Variants in GGA3 observed in about 807,000 individuals in gnomAD.
GGA3 encodes ADP-ribosylation factor-binding protein GGA3.
A neutral mutation model predicts 77.5 loss-of-function variants in GGA3; 57 were observed. That is an observed-to-expected ratio of 0.74 (90% CI 0.59 to 0.92). GGA3 has a LOEUF of 0.92. Ranked by LOEUF, GGA3 falls within the 40% of genes least tolerant of loss-of-function variation. GGA3 has a pLI of 0.00. For missense variants in GGA3, 970 were observed against 914.9 expected (o/e 1.06, Z -0.78); for synonymous variants, 416 against 383.7 (o/e 1.08, Z -0.98).
At chr17:75,261,670 G>A (rs1370521332), upstream of GGA3, 2 of 1,339,990 alleles carry the variant, frequency 1.5e-6, no homozygotes, top group Non-Finnish European at 2.0e-6. Flanking sequence ...ATGGGGTCCT[G>A]AGAGGAGTGA....
intron 14 of GGA3, 144 bp from the exon 15 acceptor site, chr17:75,239,227 G>C: frequency 1.0e-6 from 1 of 965,412 alleles, no homozygotes; most frequent in Non-Finnish European, 1.5e-6. Context: ...TCAGTGAGGA[G>C]CTTAAGACTG....
Position 75,237,594 on chromosome 17 carries a change from T to C in GGA3, c.*685A>G, listed in dbSNP as rs1568105158. 2.0e-6 allele frequency: 3 copies of C among 1,533,976 alleles called. No homozygotes were observed. Among genetic ancestry groups the C allele is most frequent in the African/African-American group, 1.4e-5 (1 of 73,150 alleles). The stretch of plus-strand genomic sequence containing the variant: ...TTCCTATCCCTAGTTGGGCCTGTCA[T>C]GAGGCCAAATTCCATGTCCTGCCAA... On this transcript the variant is annotated 3_prime_UTR_variant, in exon 17 of 17. Coordinates refer to ENST00000537686, the MANE Select transcript of GGA3 (RefSeq NM_138619.4).
intron 1 of GGA3, among the ~76,000 whole-genome samples, chr17:75,258,191 C>T (rs1598455100): frequency 6.6e-6 from 1 of 152,206 alleles, no homozygotes; most frequent in African/African-American, 2.4e-5. Flanking sequence ...ACTCTCTTTT[C>T]GGACTCAGCC....
At chr17:75,261,650 CG>C, upstream of GGA3, 1 of 1,440,154 alleles carries the variant, frequency 6.9e-7, no homozygotes. Flanking sequence ...TGAGACGGGG[CG>C]GGGCCTGCAT....
At chr17:75,247,508 C>T (rs1431810374) in intron 1 of GGA3, among the ~76,000 whole-genome samples, 2 of 152,128 alleles carry the variant, frequency 1.3e-5, no homozygotes, top group East Asian at 3.9e-4. Flanking sequence ...GTGATCGGCC[C>T]GCCTTGGCCT....
At chr17:75,246,360 G>C in intron 3 of GGA3, 149 bp downstream of exon 3, 1 of 628,918 alleles carries the variant, frequency 1.6e-6, no homozygotes, top group South Asian at 1.9e-5. Context: ...TGGAACAGCT[G>C]GCTGAACAGA....
upstream of GGA3, chr17:75,261,990 G>A (rs1228803004): frequency 3.3e-6 from 5 of 1,537,976 alleles, no homozygotes; most frequent in Admixed American, 1.9e-5. Context: ...CAGGGTGAGA[G>A]GGTGGCGAGC....
chr17:75,256,626 G>A (rs1463413511), intron 1 of GGA3, among the ~76,000 whole-genome samples: 1 of 152,050 alleles, frequency 6.6e-6, no homozygotes, highest in Non-Finnish European at 1.5e-5. Context: ...CCACTAGCCC[G>A]CCTCTTAGAA....
chr17:75,255,888 A>C (rs1018801411), intron 1 of GGA3, among the ~76,000 whole-genome samples: 3 of 152,110 alleles, frequency 2.0e-5, no homozygotes, highest in Admixed American at 2.0e-4. Context: ...ACTTGGACTG[A>C]CCCTGACATC....
intron 1 of GGA3, among the ~76,000 whole-genome samples, chr17:75,252,830 C>G (rs2077015728): frequency 6.6e-6 from 1 of 152,136 alleles, no homozygotes; most frequent in Non-Finnish European, 1.5e-5. Flanking sequence ...CTTCGTAATT[C>G]TCCCCACCCT....
intron 1 of GGA3, among the ~76,000 whole-genome samples, chr17:75,253,646 G>A (rs1381688240): frequency 6.6e-6 from 1 of 152,208 alleles, no homozygotes; most frequent in Non-Finnish European, 1.5e-5. Flanking sequence ...TAGGGGGCAA[G>A]AACCCCCAAT....
At chr17:75,246,472 G>C (rs1324148598) in intron 3 of GGA3, 37 bp downstream of exon 3, 7 of 1,363,596 alleles carry the variant, frequency 5.1e-6, no homozygotes, top group Non-Finnish European at 7.4e-6. Context: ...GCAGGTGAAG[G>C]GCTGCGGTTT....
chr17:75,243,408 C>A (rs751525385), intron 5 of GGA3, 39 bp downstream of exon 5: 6 of 1,612,722 alleles, frequency 3.7e-6, no homozygotes, highest in Non-Finnish European at 5.1e-6. Flanking sequence ...GGCCAGCCTT[C>A]GAGGGCTGCC....
intron 1 of GGA3, among the ~76,000 whole-genome samples, chr17:75,247,293 G>T (rs1471944310): frequency 4.7e-5 from 7 of 148,002 alleles, no homozygotes; most frequent in Non-Finnish European, 7.4e-5. Flanking sequence ...ATGGAGTCTC[G>T]CTCTTGTTGC....
intron 1 of GGA3, among the ~76,000 whole-genome samples, chr17:75,253,620 G>C (rs2077044619): frequency 6.6e-6 from 1 of 152,186 alleles, no homozygotes; most frequent in African/African-American, 2.4e-5. Flanking sequence ...ACCCTTAGCG[G>C]TAAGTCCCGC....
At chr17:75,258,809 C>A (rs1378825584) in intron 1 of GGA3, among the ~76,000 whole-genome samples, 1 of 140,738 alleles carries the variant, frequency 7.1e-6, no homozygotes, top group East Asian at 2.1e-4. Context: ...TTGCTCTCTC[C>A]ACATCACCAT....
At chr17:75,238,469 G>A in intron 16 of GGA3, 80 bp from the exon 17 acceptor site, 1 of 1,260,704 alleles carries the variant, frequency 7.9e-7, no homozygotes, top group African/African-American at 1.5e-5. Context: ...CCCTCTCTGT[G>A]CTAGAGGAAT....
In GGA3 at chr17:75,246,568, G is replaced by C. The variant is rs757220986; in HGVS notation, c.142C>G (p.Arg48Gly). Residue 48 changes from arginine (R) to glycine (G), a missense_variant, in exon 3 of 17, where the codon CGA becomes GGA. By Grantham distance (125) the Arg-to-Gly change is moderately radical. Coordinates refer to ENST00000537686, the MANE Select transcript of GGA3 (RefSeq NM_138619.4). ...GACTGGATCTTGTGGGCCAGCAGTC[G>C]GACGGCGATCTGTGGCCTGGGGGAC... The part of the protein sequence containing the change: ...KELEGPQIAV[R>G]LLAHKIQSPQ... The C allele has an allele frequency of 1.2e-6, 2 of 1,613,854 alleles. No homozygotes were observed. Among genetic ancestry groups the C allele is most frequent in the South Asian group, 1.1e-5 (1 of 91,074 alleles).
chr17:75,261,278 C>T (rs551138839), intron 1 of GGA3, among the ~76,000 whole-genome samples: 3 of 152,376 alleles, frequency 2.0e-5, no homozygotes, highest in South Asian at 4.1e-4. Flanking sequence ...TGTCGCCTTT[C>T]CCCGAGCCTG....
Sources: gnomAD v4.1 joint callset for allele counts (sites outside exome capture counted in the v4.1 genomes callset) on GRCh38, gnomAD v4.1.1 for gene constraint, MANE v1.5 for transcripts, NCBI Gene and HGNC (gene_info 2026-07-23, HGNC 2026-07-21) for gene names.